ADGRB3: variants seen among roughly 807,000 people sequenced by gnomAD.
ADGRB3 encodes the protein adhesion G protein-coupled receptor B3.
In ADGRB3, 37 loss-of-function variants were observed where a neutral mutation model predicts 193.4. That is an observed-to-expected ratio of 0.19 (90% CI 0.15 to 0.25). The LOEUF is 0.25. Ranked by LOEUF, ADGRB3 falls within the 10% of genes least tolerant of loss-of-function variation. The probability of loss-of-function intolerance (pLI) is 1.00; values close to 1 mark genes in which losing one functional copy is unlikely to be tolerated. For synonymous variants in ADGRB3, 690 were observed against 644.2 expected (o/e 1.07, Z -1.08); for missense variants, 1,637 against 1,852.9 (o/e 0.88, Z 2.14).
At chr6:69,229,969 C>T (rs6922091) in intron 17 of ADGRB3, among the ~76,000 whole-genome samples, 21,539 of 152,086 alleles carry the variant, frequency 0.14, 1,583 homozygotes, top group Middle Eastern at 0.16. Flanking sequence ...GACAGGAAGG[C>T]TCCTTCTGTT....
intron 3 of ADGRB3, among the ~76,000 whole-genome samples, chr6:68,901,800 A>T (rs1165346654): frequency 6.6e-6 from 1 of 152,192 alleles, no homozygotes; most frequent in Non-Finnish European, 1.5e-5. Flanking sequence ...TACAGACATA[A>T]CAATGAATAC....
At chr6:69,368,075 G>T (rs1582661173) in intron 29 of ADGRB3, among the ~76,000 whole-genome samples, 1 of 151,814 alleles carries the variant, frequency 6.6e-6, no homozygotes, top group Admixed American at 6.6e-5. Context: ...CAGCGCACCA[G>T]CATGGCACAT....
chr6:68,918,869 G>A (rs1766950725), intron 3 of ADGRB3, among the ~76,000 whole-genome samples: 1 of 152,036 alleles, frequency 6.6e-6, no homozygotes, highest in African/African-American at 2.4e-5. Flanking sequence ...AAGTTGGATG[G>A]AGTAGAGAGG....
At chr6:69,273,123 A>C (rs1225313107) in intron 20 of ADGRB3, among the ~76,000 whole-genome samples, 1 of 151,972 alleles carries the variant, frequency 6.6e-6, no homozygotes, top group African/African-American at 2.4e-5. Context: ...CTGGTCTTGA[A>C]CTCCTGACCT....
intron 3 of ADGRB3, among the ~76,000 whole-genome samples, chr6:68,813,223 G>T (rs1283318180): frequency 6.6e-6 from 1 of 152,150 alleles, no homozygotes; most frequent in East Asian, 1.9e-4. Context: ...TGCCATGTAA[G>T]AAGTGCCTTT....
At chr6:68,750,937 G>A in intron 3 of ADGRB3, among the ~76,000 whole-genome samples, 1 of 152,168 alleles carries the variant, frequency 6.6e-6, no homozygotes, top group East Asian at 1.9e-4. Context: ...GGAGTCCCAA[G>A]GAGATCTTAC....
At chr6:68,763,001 CAT>C (rs1352293423) in intron 3 of ADGRB3, among the ~76,000 whole-genome samples, 1 of 152,168 alleles carries the variant, frequency 6.6e-6, no homozygotes, top group Non-Finnish European at 1.5e-5. Context: ...TGTTTGTGGT[CAT>C]TTAGGTTGTT....
At chr6:68,994,420 A>G (rs572727609) in intron 11 of ADGRB3, among the ~76,000 whole-genome samples, 11 of 152,354 alleles carry the variant, frequency 7.2e-5, no homozygotes, top group African/African-American at 2.6e-4. Context: ...AATTTTATCA[A>G]ACTATTCCCT....
chr6:69,197,072 G>T (rs1227187786), intron 17 of ADGRB3, among the ~76,000 whole-genome samples: 1 of 151,930 alleles, frequency 6.6e-6, no homozygotes, highest in Non-Finnish European at 1.5e-5. Flanking sequence ...ATATGTGTGG[G>T]TGTCTATGTC....
intron 3 of ADGRB3, among the ~76,000 whole-genome samples, chr6:68,751,330 C>T (rs1302614617): frequency 1.3e-5 from 2 of 152,106 alleles, no homozygotes; most frequent in Non-Finnish European, 2.9e-5. Context: ...CACTCGCAAA[C>T]AGAATTTATG....
intron 17 of ADGRB3, among the ~76,000 whole-genome samples, chr6:69,149,861 TCTCTTCCCCTTACTTTCACCCAAA>T (rs1774618862): frequency 6.6e-6 from 1 of 152,180 alleles, no homozygotes; most frequent in East Asian, 1.9e-4. Context: ...TTCTCTTCGC[TCTCTTCCCCTTACTTTCACCCAAA>T]CAGAGTCTCT....
chr6:68,638,596 G>A, intron 2 of ADGRB3, 65 bp from the exon 3 acceptor site: 1 of 1,434,932 alleles, frequency 7.0e-7, no homozygotes, highest in South Asian at 1.5e-5. Context: ...AATATTGAAA[G>A]GAGTTTATTT....
chr6:69,199,366 A>G (rs1765372650), intron 17 of ADGRB3, among the ~76,000 whole-genome samples: 1 of 152,090 alleles, frequency 6.6e-6, no homozygotes, highest in Admixed American at 6.6e-5. Flanking sequence ...TTAAATTATC[A>G]TTGCCAGCTT....
At chr6:69,095,610 A>G (rs544924437) in intron 17 of ADGRB3, among the ~76,000 whole-genome samples, 63 of 152,304 alleles carry the variant, frequency 4.1e-4, no homozygotes, top group Non-Finnish European at 6.5e-4. Flanking sequence ...ACGTGTTCTA[A>G]TAACTTTGTC....
chr6:69,291,822 C>A, intron 20 of ADGRB3, among the ~76,000 whole-genome samples: 1 of 152,230 alleles, frequency 6.6e-6, no homozygotes, highest in South Asian at 2.1e-4. Context: ...GAAGGACTTG[C>A]TAACCTTCTC....
intron 6 of ADGRB3, among the ~76,000 whole-genome samples, chr6:68,952,380 TTATATA>T: frequency 6.6e-6 from 1 of 152,056 alleles, no homozygotes; most frequent in East Asian, 1.9e-4. Context: ...ACATGTGTGT[TTATATA>T]TATATAGTCT....
At chr6:68,673,435 C>CA (rs1769013681) in intron 3 of ADGRB3, among the ~76,000 whole-genome samples, 1 of 152,090 alleles carries the variant, frequency 6.6e-6, no homozygotes. Context: ...GCTGAAAACT[C>CA]AGTGTTATCA....
chr6:68,917,220 T>C (rs1228185887), intron 3 of ADGRB3, among the ~76,000 whole-genome samples: 2 of 152,196 alleles, frequency 1.3e-5, no homozygotes, highest in Non-Finnish European at 2.9e-5. Context: ...CCAGGAATCA[T>C]AGATAAATCC....
chr6:68,964,010 C>T (rs959297906), intron 8 of ADGRB3, among the ~76,000 whole-genome samples: 1 of 151,966 alleles, frequency 6.6e-6, no homozygotes, highest in Non-Finnish European at 1.5e-5. Flanking sequence ...CTAATGAAAA[C>T]ATTTATATAA....
Sources: gnomAD v4.1 joint callset for allele counts (sites outside exome capture counted in the v4.1 genomes callset) on GRCh38, gnomAD v4.1.1 for gene constraint, MANE v1.5 for transcripts, NCBI Gene and HGNC (gene_info 2026-07-23, HGNC 2026-07-21) for gene names.